The following MEF2D variants were observed in gnomAD, a reference collection of about 807,000 sequenced individuals.
The protein encoded by MEF2D is myocyte enhancer factor 2D, also known as myocyte-specific enhancer factor 2D.
A neutral mutation model predicts 59.3 loss-of-function variants in MEF2D; 10 were observed. That is an observed-to-expected ratio of 0.17 (90% CI 0.10 to 0.29). The LOEUF is 0.29. MEF2D is among the 10% of genes least tolerant of loss of function. The pLI is 1.00. For missense variants in MEF2D, 508 were observed against 699.4 expected (o/e 0.73, Z 3.09); for synonymous variants, 305 against 295.0 (o/e 1.03, Z -0.35).
intron 1 of MEF2D, among the ~76,000 whole-genome samples, chr1:156,493,830 C>A (rs1337387748): frequency 6.6e-6 from 1 of 152,108 alleles, no homozygotes; most frequent in Non-Finnish European, 1.5e-5. Context: ...CAGGGCCCCA[C>A]CCCTCAGAAC....
chr1:156,469,018 A>T lies in MEF2D; in HGVS notation c.1009T>A (p.Tyr337Asn). 6.3e-7 allele frequency: 1 copy of T among 1,592,764 alleles called. No individual in the cohort carries two copies. Among genetic ancestry groups the T allele is most frequent in the Non-Finnish European group, 8.6e-7 (1 of 1,162,936 alleles). ...GAGAGCTCTGCACTGGTCAACTGGT[A>T]ATCTGCATGGAGGAAAAGTGAGGAT... Reference protein sequence around the residue: ...SSMPTAYNTDYQLTSAELSSL... With the variant: ...SSMPTAYNTDNQLTSAELSSL... Residue 337 changes from tyrosine (Y) to asparagine (N), a missense_variant and splice_region_variant, in exon 10 of 12, where the codon TAC (tyrosine) becomes AAC (asparagine). Around this residue, in one of 2 missense-constraint regions of MEF2D, gnomAD observed 481 missense variants for 584.7 expected, o/e 0.82. Transcript: ENST00000348159.
intron 8 of MEF2D, among the ~76,000 whole-genome samples, chr1:156,475,551 C>T (rs897313406): frequency 2.0e-5 from 3 of 152,240 alleles, no homozygotes; most frequent in Non-Finnish European, 4.4e-5. Context: ...AGGGAGACAT[C>T]GTCCATCCCC....
At chr1:156,495,863 T>C (rs950294388) in intron 1 of MEF2D, among the ~76,000 whole-genome samples, 1 of 148,344 alleles carries the variant, frequency 6.7e-6, no homozygotes, top group African/African-American at 2.5e-5. Context: ...CCAAGGTCAG[T>C]GACCAGGCCT....
chr1:156,477,231 G>C, intron 6 of MEF2D, 29 bp from the exon 7 acceptor site: 2 of 1,552,092 alleles, frequency 1.3e-6, no homozygotes, highest in Non-Finnish European at 1.7e-6. Context: ...GAGGGTAAAA[G>C]GAAAAACATG....
At chr1:156,483,213 T>C in intron 2 of MEF2D, 26 bp downstream of exon 2, 1 of 1,613,734 alleles carries the variant, frequency 6.2e-7, no homozygotes, top group Non-Finnish European at 8.5e-7. Flanking sequence ...CCTCACCCAC[T>C]TCGTACGGCT....
chr1:156,476,202 C>T (rs1035238451), intron 8 of MEF2D, among the ~76,000 whole-genome samples: 2 of 152,218 alleles, frequency 1.3e-5, no homozygotes, highest in Non-Finnish European at 2.9e-5. Context: ...CTGGCCCACT[C>T]CCCCTCGCAC....
chr1:156,474,064 G>A (rs1159426682), intron 9 of MEF2D, among the ~76,000 whole-genome samples: 1 of 152,176 alleles, frequency 6.6e-6, no homozygotes, highest in Non-Finnish European at 1.5e-5. Flanking sequence ...CCTAGAGATT[G>A]GTCAGCCTGA....
At chr1:156,471,067 CT>C (rs1557877396) in intron 9 of MEF2D, among the ~76,000 whole-genome samples, 1 of 151,994 alleles carries the variant, frequency 6.6e-6, no homozygotes, top group African/African-American at 2.4e-5. Flanking sequence ...CTTTTCTTTT[CT>C]TTTTTGAGAC....
intron 1 of MEF2D, among the ~76,000 whole-genome samples, chr1:156,498,206 A>AG (rs1673255181): frequency 6.6e-6 from 1 of 151,632 alleles, no homozygotes; most frequent in Admixed American, 6.6e-5. Context: ...CCAGGAGCCA[A>AG]GGGGGCAGAG....
At chr1:156,491,687 T>A (rs889636264) in intron 1 of MEF2D, among the ~76,000 whole-genome samples, 14 of 152,216 alleles carry the variant, frequency 9.2e-5, no homozygotes, top group Non-Finnish European at 1.0e-4. Context: ...CCAAGGTCAC[T>A]GTTTGGTCCC....
Position 156,464,095 on chromosome 1 carries a change from C to G in MEF2D, c.*3550G>C, listed in dbSNP as rs1041749448. On this transcript the variant is annotated 3_prime_UTR_variant, in exon 12 of 12. Coordinates refer to ENST00000348159, the MANE Select transcript of MEF2D (RefSeq NM_005920.4). Reference sequence around the variant, plus strand: ...ATTCTCCATTCCAGCCTCCCTCCCCCCATACAAATACCATTCCTTCTACCA... The same window carrying G: ...ATTCTCCATTCCAGCCTCCCTCCCCGCATACAAATACCATTCCTTCTACCA... The G allele has an allele frequency of 6.6e-6, 1 of 152,576 alleles. No homozygotes were observed. The highest frequency in any genetic ancestry group is 2.4e-5 in the African/African-American group (1 of 41,430). 9.5% of individuals were successfully genotyped at this position (152,576 alleles called of 1,614,324 possible).
At position 156,468,596 on chromosome 1, in the gene MEF2D, T is replaced by A. The variant is rs1189472872; in HGVS notation, c.1247+184A>T. Among the ~76,000 whole-genome samples, 1 of 151,932 alleles carries A rather than the reference T, an allele frequency of 6.6e-6. No homozygotes were observed. The highest frequency in any genetic ancestry group is 1.5e-5 in the Non-Finnish European group (1 of 67,966). On this transcript the variant is annotated intron_variant, in intron 10 of 11. Coordinates refer to ENST00000348159, the MANE Select transcript of MEF2D (RefSeq NM_005920.4). The surrounding 1 kb of genome is among the most constrained non-coding windows in gnomAD (Gnocchi z 4.3). ...GCTGGCTCTCAGAAGGGGTTCAGGG[T>A]GAGCCTCTTGGGTCTGTACAAGAGA...
intron 8 of MEF2D, among the ~76,000 whole-genome samples, chr1:156,475,479 G>A (rs547300549): frequency 1.8e-3 from 270 of 152,348 alleles, no homozygotes; most frequent in Non-Finnish European, 3.3e-3. Flanking sequence ...ATGAAGGCAC[G>A]TGTACTGGCC....
chr1:156,487,106 G>A (rs569379959), intron 1 of MEF2D, among the ~76,000 whole-genome samples: 5 of 152,344 alleles, frequency 3.3e-5, no homozygotes, highest in Admixed American at 6.5e-5. Context: ...ACATGGAGAT[G>A]GAGAGGATGG....
intron 1 of MEF2D, among the ~76,000 whole-genome samples, chr1:156,496,355 G>T (rs1042205351): frequency 6.6e-6 from 1 of 152,116 alleles, no homozygotes; most frequent in African/African-American, 2.4e-5. Flanking sequence ...TGTACATCTG[G>T]AAAGCTGGGG....
intron 2 of MEF2D, among the ~76,000 whole-genome samples, chr1:156,482,991 A>T (rs1171559): frequency 0.94 from 142,785 of 152,300 alleles, 67,017 homozygotes; most frequent in East Asian, 1. Context: ...AAGGCTTGCA[A>T]ATGGCTCTGG....
chr1:156,464,037 C>A lies in MEF2D; in HGVS notation c.*3608G>T, dbSNP rs184061244. ...CTTCCTCTTCCTCACCACCTCCCTC[C>A]CTCTGGAGAATGGGGAAGAGGAGAG... On this transcript the variant is annotated 3_prime_UTR_variant, in exon 12 of 12. Coordinates refer to ENST00000348159, the MANE Select transcript of MEF2D (RefSeq NM_005920.4). 2.0e-5 allele frequency: 3 copies of A among 152,622 alleles called. No homozygotes were observed. Among genetic ancestry groups the A allele is most frequent in the African/African-American group, 7.2e-5 (3 of 41,438 alleles). The allele number at this position is 152,622 out of a possible 1,614,324, so 9.5% of individuals were successfully genotyped here.
At chr1:156,485,721 A>G (rs1303087894) in intron 1 of MEF2D, among the ~76,000 whole-genome samples, 4 of 146,466 alleles carry the variant, frequency 2.7e-5, no homozygotes, top group Non-Finnish European at 4.5e-5. Flanking sequence ...TTTTTGGTAG[A>G]TACAGGGTGT....
intron 4 of MEF2D, among the ~76,000 whole-genome samples, chr1:156,480,147 C>A (rs1429448689): frequency 2.0e-5 from 3 of 152,156 alleles, no homozygotes; most frequent in African/African-American, 7.2e-5. Flanking sequence ...TGATAACAGA[C>A]TCAAATTCAC....
Sources: gnomAD v4.1 joint callset for allele counts (sites outside exome capture counted in the v4.1 genomes callset) on GRCh38, gnomAD v4.1.1 for gene constraint, gnomAD v4.1.1 regional missense constraint, Gnocchi (gnomAD v3.1) non-coding constraint, MANE v1.5 for transcripts, NCBI Gene and HGNC (gene_info 2026-07-23, HGNC 2026-07-21) for gene names.